The following ATP2C2 variants were observed in gnomAD, a reference collection of about 807,000 sequenced individuals.
ATP2C2 encodes the protein calcium-transporting ATPase type 2C member 2.
Under a neutral mutation model 110.8 loss-of-function variants are expected in ATP2C2, and 171 were observed. The ratio of observed to expected loss-of-function variants is 1.54; its 90% CI spans 1.36 to 1.75. The LOEUF is 1.75. Ranked by LOEUF, ATP2C2 falls within the 40% of genes most tolerant of loss-of-function variation. ATP2C2 has a pLI of 0.00. For missense variants in ATP2C2, 1,963 were observed against 1,235.0 expected (o/e 1.59, Z -8.84); for synonymous variants, 804 against 508.4 (o/e 1.58, Z -7.82).
Position 84,459,026 on chromosome 16 carries a change from G to A in ATP2C2, c.2148-94G>A, listed in dbSNP as rs1025148977. On this transcript the variant is annotated intron_variant, in intron 21 of 26. Coordinates refer to ENST00000262429, the MANE Select transcript of ATP2C2 (RefSeq NM_014861.4). Reference sequence around the variant, plus strand: ...AGGGGCCCAAGTATAACATCAATCTGGGCGAGTCACCACTGCCCCTTGCAG... The same window carrying A: ...AGGGGCCCAAGTATAACATCAATCTAGGCGAGTCACCACTGCCCCTTGCAG... 5 of 1,351,618 alleles carry A rather than the reference G, an allele frequency of 3.7e-6. No homozygotes were observed. The African/African-American group carries it at 7.2e-5, about 19-fold the overall frequency. The allele number at this position is 1,351,618 out of a possible 1,614,324, so 83.7% of individuals were successfully genotyped here.
chr16:84,380,721 C>G (rs1910529053), intron 1 of ATP2C2, among the ~76,000 whole-genome samples: 1 of 152,180 alleles, frequency 6.6e-6, no homozygotes, highest in African/African-American at 2.4e-5. Flanking sequence ...TTAACTTTTC[C>G]CTGCCTCTGT....
chr16:84,423,812 C>T (rs992457515), intron 10 of ATP2C2, among the ~76,000 whole-genome samples: 1 of 152,186 alleles, frequency 6.6e-6, no homozygotes, highest in African/African-American at 2.4e-5. Flanking sequence ...TATCTGTGCA[C>T]CCAAACATAT....
chr16:84,422,516 C>T lies in ATP2C2; in HGVS notation c.751C>T (p.Leu251=). 1.2e-6 allele frequency: 2 copies of T among 1,614,106 alleles called. No homozygotes were observed. Among genetic ancestry groups the T allele is most frequent in the Non-Finnish European group, 1.7e-6 (2 of 1,180,014 alleles). The change falls in exon 8 of 27, where the codon CTG becomes TTG. Residue 251 remains leucine (L), a synonymous_variant. Transcript: ENST00000262429. ...CAGCAACATCGTCTTCATGGGGACC[C>T]TGGTGCAGTATGGGAGGGGCCAGGT... ...TLSNIVFMGT[L]VQYGRGQGVV... is the part of the protein sequence containing the mutation.
intron 20 of ATP2C2, 109 bp downstream of exon 20, chr16:84,453,480 G>A (rs895821237): frequency 1.2e-5 from 18 of 1,441,764 alleles, no homozygotes; most frequent in African/African-American, 2.8e-5. Flanking sequence ...CCCGACCGTG[G>A]CTTCCTTCTC....
chr16:84,381,596 T>TA (rs1039467232), intron 1 of ATP2C2, among the ~76,000 whole-genome samples: 34 of 151,588 alleles, frequency 2.2e-4, no homozygotes, highest in Non-Finnish European at 4.7e-4. Context: ...AAAAAATATT[T>TA]AAAAAAAAAT....
intron 6 of ATP2C2, among the ~76,000 whole-genome samples, chr16:84,411,131 G>T (rs1906248526): frequency 6.6e-6 from 1 of 152,134 alleles, no homozygotes; most frequent in Admixed American, 6.5e-5. Flanking sequence ...AATTCTCAAT[G>T]AATGGTCTCA....
chr16:84,452,160 C>G, intron 18 of ATP2C2, 69 bp downstream of exon 18: 9 of 1,580,026 alleles, frequency 5.7e-6, no homozygotes, highest in East Asian at 2.2e-5. Flanking sequence ...GGGCTGCTAC[C>G]AAAGGGAAGC....
intron 18 of ATP2C2, among the ~76,000 whole-genome samples, chr16:84,452,799 C>T (rs1316294461): frequency 5.3e-5 from 8 of 152,062 alleles, no homozygotes; most frequent in African/African-American, 1.9e-4. Flanking sequence ...GCGCCCAGCC[C>T]CTCTAGTTAC....
intron 2 of ATP2C2, among the ~76,000 whole-genome samples, chr16:84,403,328 C>T (rs568824906): frequency 6.6e-6 from 1 of 152,126 alleles, no homozygotes; most frequent in South Asian, 2.1e-4. Context: ...TTTTCCAAGA[C>T]ATGGTCTCAT....
chr16:84,454,025 G>C (rs1910563226), intron 20 of ATP2C2, among the ~76,000 whole-genome samples: 1 of 152,142 alleles, frequency 6.6e-6, no homozygotes, highest in South Asian at 2.1e-4. Flanking sequence ...AATTTTAGTA[G>C]AGGCAGGGTT....
chr16:84,388,560 G>C (rs1375815661), intron 1 of ATP2C2, among the ~76,000 whole-genome samples: 2 of 152,124 alleles, frequency 1.3e-5, no homozygotes, highest in African/African-American at 4.8e-5. Flanking sequence ...TCTGTGCCTT[G>C]GGAGAGAAGG....
At position 84,459,327 on chromosome 16, in the gene ATP2C2, C is replaced by G. The variant is rs562014329; in HGVS notation, c.2274C>G (p.Pro758=). The G allele has an allele frequency of 8.1e-6, 13 of 1,614,218 alleles. No homozygotes were observed. The Admixed American group carries it at 2.2e-4, about 27-fold the overall frequency. ...CCACCGTGTTCAACCTGCCCAGCCC[C>G]CTCAACGCCATGCAGATCCTATGGA... ...TLSTVFNLPS[P]LNAMQILWIN... The change falls in exon 23 of 27, where the codon CCC becomes CCG. Residue 758 remains proline, a synonymous_variant. Transcript: ENST00000262429.
At chr16:84,412,574 G>A (rs1906471735) in intron 6 of ATP2C2, among the ~76,000 whole-genome samples, 4 of 147,194 alleles carry the variant, frequency 2.7e-5, no homozygotes, top group Non-Finnish European at 6.0e-5. Context: ...GTGTGTATGT[G>A]TGTGTGTGGA....
chr16:84,376,799 T>C (rs72804634), intron 1 of ATP2C2, among the ~76,000 whole-genome samples: 11,168 of 152,286 alleles, frequency 0.073, 504 homozygotes, highest in Middle Eastern at 0.099. Flanking sequence ...CATTCCAAGA[T>C]GGCAGCTGTG....
intron 2 of ATP2C2, among the ~76,000 whole-genome samples, chr16:84,398,899 A>G (rs1905150143): frequency 6.6e-6 from 1 of 152,174 alleles, no homozygotes; most frequent in African/African-American, 2.4e-5. Context: ...ACATAAAGGG[A>G]TGGAAGATGA....
At position 84,448,651 on chromosome 16, in the gene ATP2C2, T is replaced by C. The variant is rs756541688; in HGVS notation, c.1622T>C (p.Leu541Pro). Residue 541 changes from leucine to proline, a missense_variant, in exon 17 of 27, where the codon CTG becomes CCG. By Grantham distance (98) the Leu-to-Pro change is moderately conservative. Coordinates refer to ENST00000262429, the MANE Select transcript of ATP2C2 (RefSeq NM_014861.4). The stretch of plus-strand genomic sequence containing the variant: ...ACGCCCCAGCAGAGGTCATTCTGCC[T>C]GCAGGAAGAGAAGAGGATGGGGTCG... ...PLTPQQRSFC[L>P]QEEKRMGSLG... 58 of 1,613,756 alleles carry C rather than the reference T, an allele frequency of 3.6e-5. No individual in the cohort carries two copies. The highest frequency in any genetic ancestry group is 4.6e-5 in the Non-Finnish European group (54 of 1,179,876).
In ATP2C2 at chr16:84,463,745, C is replaced by A. The variant is rs201001291; in HGVS notation, c.*13C>A. ...TGAAGATGTGTAGTGGACCGCACTC[C>A]GCGGCACCTTCCCTAATCATCTCGA... On this transcript the variant is annotated 3_prime_UTR_variant, in exon 27 of 27. Transcript: ENST00000262429. 14 of 1,590,548 alleles carry A rather than the reference C, an allele frequency of 8.8e-6. No individual in the cohort carries two copies. The highest frequency in any genetic ancestry group is 1.1e-5 in the Non-Finnish European group (13 of 1,159,508).
chr16:84,422,734 C>T (rs757512103), intron 9 of ATP2C2, 37 bp downstream of exon 9: 1 of 1,571,892 alleles, frequency 6.4e-7, no homozygotes, highest in African/African-American at 1.4e-5. Flanking sequence ...CTTTTGTAAG[C>T]TGGAGTTTGA....
intron 6 of ATP2C2, among the ~76,000 whole-genome samples, chr16:84,412,493 T>C (rs1340993056): frequency 7.5e-6 from 1 of 132,812 alleles, no homozygotes; most frequent in Non-Finnish European, 1.6e-5. Context: ...TATGTGTGCA[T>C]GTGTGTATAT....
Sources: allele counts gnomAD v4.1 joint callset (sites outside exome capture counted in the v4.1 genomes callset), GRCh38; gene constraint gnomAD v4.1.1; transcripts MANE v1.5; gene names NCBI Gene and HGNC (gene_info 2026-07-23, HGNC 2026-07-21).